Variants in FAM110B observed in about 807,000 individuals in gnomAD.
The protein encoded by FAM110B is protein FAM110B.
Under a neutral mutation model 20.4 loss-of-function variants are expected in FAM110B, and 6 were observed. The observed-to-expected ratio is 0.29, with a 90% CI of 0.16 to 0.58. The LOEUF (loss-of-function observed/expected upper bound fraction) is 0.58. Ranked by LOEUF, FAM110B falls within the 20% of genes least tolerant of loss-of-function variation. The probability of loss-of-function intolerance (pLI) is 0.90; values close to 1 mark genes in which losing one functional copy is unlikely to be tolerated. For synonymous variants in FAM110B, 226 were observed against 214.1 expected, an observed-to-expected ratio of 1.06 and a Z score of -0.49; for missense variants, 434 against 498.2, an observed-to-expected ratio of 0.87 and a Z score of 1.23.
At chr8:58,113,359 TC>T in intron 3 of FAM110B, 1 of 219,586 alleles carries the variant, frequency 4.6e-6, no homozygotes, top group Non-Finnish European at 9.6e-6. Flanking sequence ...ATTAGCCTTT[TC>T]CCACTGCACC....
intron 3 of FAM110B, among the ~76,000 whole-genome samples, chr8:58,115,053 A>G (rs1807167937): frequency 6.6e-6 from 1 of 151,116 alleles, no homozygotes; most frequent in African/African-American, 2.4e-5. Flanking sequence ...TGTAAATTCT[A>G]GGCAAATCGA....
At chr8:58,058,878 T>C (rs1240368327) in intron 2 of FAM110B, among the ~76,000 whole-genome samples, 4 of 152,232 alleles carry the variant, frequency 2.6e-5, no homozygotes, top group African/African-American at 9.6e-5. Context: ...CTAACAAATA[T>C]ATACACTCAG....
At chr8:58,092,542 A>G (rs1220883037) in intron 3 of FAM110B, among the ~76,000 whole-genome samples, 1 of 152,198 alleles carries the variant, frequency 6.6e-6, no homozygotes, top group Non-Finnish European at 1.5e-5. Flanking sequence ...GATAGTTTCT[A>G]GCTTCGTCCA....
intron 3 of FAM110B, among the ~76,000 whole-genome samples, chr8:58,102,060 C>T (rs886914777): frequency 6.6e-6 from 1 of 152,200 alleles, no homozygotes; most frequent in Non-Finnish European, 1.5e-5. Context: ...TTTTCCAGAC[C>T]ATCACATCTT....
intron 2 of FAM110B, among the ~76,000 whole-genome samples, chr8:58,066,260 A>T (rs1268761552): frequency 2.0e-5 from 3 of 152,196 alleles, no homozygotes; most frequent in African/African-American, 7.2e-5. Context: ...TGTACCCAGC[A>T]AGGTCATTGT....
chr8:58,080,429 G>C (rs1806161384), intron 3 of FAM110B, among the ~76,000 whole-genome samples: 1 of 152,220 alleles, frequency 6.6e-6, no homozygotes, highest in Admixed American at 6.5e-5. Context: ...ACAGGTGAAA[G>C]AGAGGAGATT....
rs1174990146 is a variant in FAM110B, at chr8:58,097,625, TTCTGGTTTTTGGAA to T, written c.-325+22004_-325+22017del. On this transcript the variant is annotated intron_variant, in intron 3 of 3. Transcript: ENST00000519262. ...GTGATCCTTTGGAGGAGAAGAGGCG[TTCTGGTTTTTGGAA>T]TTTTCAGCCTTTTTCAGCTGGTTTC... Among the ~76,000 whole-genome samples the T allele has an allele frequency of 2.6e-5, 4 of 152,200 alleles. 1 individual carries two copies. In the East Asian group the frequency reaches 7.7e-4, roughly 29 times the overall value.
intron 3 of FAM110B, among the ~76,000 whole-genome samples, chr8:58,087,621 C>T (rs144465183): frequency 6.6e-6 from 1 of 152,264 alleles, no homozygotes; most frequent in African/African-American, 2.4e-5. Flanking sequence ...GGCTCATCGG[C>T]AGAATGAATG....
chr8:58,008,333 A>T (rs1804457083), intron 1 of FAM110B, among the ~76,000 whole-genome samples: 1 of 151,882 alleles, frequency 6.6e-6, no homozygotes, highest in Non-Finnish European at 1.5e-5. Context: ...GGGTTTCACC[A>T]TGTTGGCCAG....
intron 1 of FAM110B, among the ~76,000 whole-genome samples, chr8:58,024,265 T>C (rs1804812058): frequency 6.6e-6 from 1 of 150,714 alleles, no homozygotes; most frequent in South Asian, 2.1e-4. Context: ...ATAAAAGGCT[T>C]TTTAAGTTGT....
chr8:58,081,613 G>GGCT (rs1806192718), intron 3 of FAM110B, among the ~76,000 whole-genome samples: 1 of 151,826 alleles, frequency 6.6e-6, no homozygotes, highest in Admixed American at 6.6e-5. Context: ...CTCTCATCTG[G>GGCT]GCTCTTCTGC....
chr8:58,034,643 G>T (rs550005452), intron 2 of FAM110B, among the ~76,000 whole-genome samples: 2 of 152,306 alleles, frequency 1.3e-5, no homozygotes, highest in Admixed American at 6.5e-5. Flanking sequence ...TCATAGGATT[G>T]TTGTTAGGAA....
At chr8:58,134,601 A>G (rs1411942855) in intron 3 of FAM110B, among the ~76,000 whole-genome samples, 1 of 152,276 alleles carries the variant, frequency 6.6e-6, no homozygotes, top group African/African-American at 2.4e-5. Context: ...TACTATGTGC[A>G]TAGCTGAGGG....
At chr8:58,015,021 GTTC>G (rs1283399417) in intron 1 of FAM110B, among the ~76,000 whole-genome samples, 4 of 152,250 alleles carry the variant, frequency 2.6e-5, no homozygotes, top group African/African-American at 4.8e-5. Context: ...ATGAGTTGAT[GTTC>G]TTCTTTATGC....
intron 1 of FAM110B, among the ~76,000 whole-genome samples, chr8:58,024,212 T>G (rs1274196108): frequency 6.7e-6 from 1 of 148,606 alleles, no homozygotes; most frequent in African/African-American, 2.5e-5. Context: ...AATATACGGA[T>G]CTGTTTCAAC....
At chr8:58,012,787 A>C (rs1563496758) in intron 1 of FAM110B, among the ~76,000 whole-genome samples, 1 of 152,216 alleles carries the variant, frequency 6.6e-6, no homozygotes. Context: ...ACATTGGTGC[A>C]AAGATGTATT....
At chr8:58,067,501 C>T (rs563096522) in intron 2 of FAM110B, among the ~76,000 whole-genome samples, 2 of 152,174 alleles carry the variant, frequency 1.3e-5, no homozygotes, top group South Asian at 2.1e-4. Context: ...AGCCTCTCCA[C>T]GACCTTCACA....
chr8:58,088,082 A>G (rs546916924), intron 3 of FAM110B, among the ~76,000 whole-genome samples: 2 of 152,316 alleles, frequency 1.3e-5, no homozygotes, highest in African/African-American at 2.4e-5. Flanking sequence ...GGCCCAGTAA[A>G]TGTTGCTAAA....
intron 3 of FAM110B, among the ~76,000 whole-genome samples, chr8:58,124,831 G>A (rs1807454497): frequency 6.6e-6 from 1 of 152,176 alleles, no homozygotes; most frequent in Admixed American, 6.5e-5. Flanking sequence ...TCTGACTCTA[G>A]TTCCTCTAAA....
Sources: allele counts gnomAD v4.1 joint callset (sites outside exome capture counted in the v4.1 genomes callset), GRCh38; gene constraint gnomAD v4.1.1; transcripts MANE v1.5; gene names NCBI Gene and HGNC (gene_info 2026-07-23, HGNC 2026-07-21).